TET1: variants seen among roughly 807,000 people sequenced by gnomAD.
The protein encoded by TET1 is methylcytosine dioxygenase TET1.
Under a neutral mutation model 148.7 loss-of-function variants are expected in TET1, and 13 were observed. That is an observed-to-expected ratio of 0.09 (90% CI 0.06 to 0.14). TET1 has a LOEUF of 0.14. Ranked by LOEUF, TET1 falls within the 10% of genes least tolerant of loss-of-function variation. The pLI, the probability that TET1 is intolerant of heterozygous loss-of-function variation, is 1.00. For missense variants in TET1, 2,182 were observed against 2,553.8 expected (o/e 0.85, Z 3.14); for synonymous variants, 907 against 937.2 (o/e 0.97, Z 0.59).
chr10:68,581,828 C>A (rs1264628092), intron 2 of TET1, among the ~76,000 whole-genome samples: 1 of 147,946 alleles, frequency 6.8e-6, no homozygotes, highest in Non-Finnish European at 1.5e-5. Context: ...CAGAGTGAGA[C>A]CGTGTCTCAA....
intron 2 of TET1, among the ~76,000 whole-genome samples, chr10:68,581,064 A>T (rs2053791814): frequency 6.6e-6 from 1 of 152,144 alleles, no homozygotes; most frequent in African/African-American, 2.4e-5. Flanking sequence ...AAAGCCATGT[A>T]CCATTTCTCA....
At chr10:68,580,703 A>C (rs1383949206) in intron 2 of TET1, among the ~76,000 whole-genome samples, 1 of 149,606 alleles carries the variant, frequency 6.7e-6, no homozygotes, top group Non-Finnish European at 1.5e-5. Context: ...AATGGCGTGA[A>C]CCCAGGAGAC....
intron 3 of TET1, among the ~76,000 whole-genome samples, chr10:68,611,861 GGAGAGA>G (rs756555621): frequency 4.8e-4 from 43 of 88,834 alleles, no homozygotes; most frequent in South Asian, 9.8e-4. Flanking sequence ...GGGGAGAGAG[GGAGAGA>G]GAGAGAGAGA....
At chr10:68,609,422 A>G (rs1564966051) in intron 3 of TET1, among the ~76,000 whole-genome samples, 4 of 152,036 alleles carry the variant, frequency 2.6e-5, no homozygotes, top group Admixed American at 2.6e-4. Flanking sequence ...CGGCCTCCCA[A>G]AGTGCTGGGA....
chr10:68,681,342 C>T, intron 8 of TET1, 57 bp from the exon 9 acceptor site: 1 of 1,110,924 alleles, frequency 9.0e-7, no homozygotes, highest in Non-Finnish European at 1.4e-6. Flanking sequence ...TTCAGTTGTA[C>T]CTTAAACACA....
At chr10:68,624,638 TTCTTTCTTTCTTTCTTTCTTTC>T (rs1183152749) in intron 3 of TET1, among the ~76,000 whole-genome samples, 17 of 47,204 alleles carry the variant, frequency 3.6e-4, no homozygotes, top group African/African-American at 1.0e-3. Context: ...CTTTCTTTCT[TTCTTTCTTTCTTTCTTTCTTTC>T]TCTCTCTCTC....
intron 3 of TET1, among the ~76,000 whole-genome samples, chr10:68,641,076 A>G (rs2054745866): frequency 6.6e-6 from 1 of 151,200 alleles, no homozygotes; most frequent in Non-Finnish European, 1.5e-5. Flanking sequence ...TAACTGTGAC[A>G]GGTTGTATGG....
In TET1 at chr10:68,604,618, A is replaced by T. The variant is rs75294507; in HGVS notation, c.1968+3584A>T. On this transcript the variant is annotated intron_variant, in intron 3 of 11. Transcript: ENST00000373644. ...CTGCTGCTTTGATTGGTTGATCCCA[A>T]TGGGGAGCCAGAGTGAAAGGGGAGA... Among the ~76,000 whole-genome samples, 88 of 152,296 alleles carry T rather than the reference A, an allele frequency of 5.8e-4. No individual in the cohort carries two copies. The East Asian group carries it at 0.017, about 29-fold the overall frequency.
At chr10:68,687,195 G>A (rs1316983237) in intron 11 of TET1, among the ~76,000 whole-genome samples, 3 of 130,032 alleles carry the variant, frequency 2.3e-5, no homozygotes, top group Admixed American at 9.4e-5. Flanking sequence ...GAGCCACCGC[G>A]CCCGGCCTAC....
At chr10:68,677,026 AAGTGGACC>A (rs2055371291) in intron 8 of TET1, among the ~76,000 whole-genome samples, 1 of 152,230 alleles carries the variant, frequency 6.6e-6, no homozygotes, top group South Asian at 2.1e-4. Context: ...GTCAAAACCA[AAGTGGACC>A]AGTAAAGAGC....
At chr10:68,639,117 G>A (rs1304123373) in intron 3 of TET1, among the ~76,000 whole-genome samples, 2 of 151,956 alleles carry the variant, frequency 1.3e-5, no homozygotes, top group Non-Finnish European at 2.9e-5. Flanking sequence ...TAATTAATGT[G>A]AATGTCTTAT....
At chr10:68,669,252 C>G (rs200821401) in intron 7 of TET1, among the ~76,000 whole-genome samples, 1 of 149,260 alleles carries the variant, frequency 6.7e-6, no homozygotes, top group Non-Finnish European at 1.5e-5. Flanking sequence ...CCACCCCCCA[C>G]AAAAAAAAAA....
chr10:68,605,698 A>C (rs73276500), intron 3 of TET1, among the ~76,000 whole-genome samples: 46,034 of 152,042 alleles, frequency 0.3, 7,955 homozygotes, highest in Middle Eastern at 0.42. Flanking sequence ...TATTTTTAGT[A>C]GAGACGAGGT....
In TET1 at chr10:68,580,713, C is replaced by T. The variant is rs1354058874; in HGVS notation, c.1914+6461C>T. Reference sequence around the variant, plus strand: ...AGGAGAATGGCGTGAACCCAGGAGACGGAGGTTGGGGTGAGCCAAGATCGC... The same window carrying T: ...AGGAGAATGGCGTGAACCCAGGAGATGGAGGTTGGGGTGAGCCAAGATCGC... On this transcript the variant is annotated intron_variant, in intron 2 of 11. Coordinates refer to ENST00000373644, the MANE Select transcript of TET1 (RefSeq NM_030625.3). Among the ~76,000 whole-genome samples the T allele has an allele frequency of 2.7e-5, 4 of 145,560 alleles. 1 individual carries two copies. Among genetic ancestry groups the T allele is most frequent in the East Asian group, 4.0e-4 (2 of 4,976 alleles).
Position 68,573,562 on chromosome 10 carries a change from C to T in TET1, c.1224C>T (p.Val408=), listed in dbSNP as rs1300198981. 2 of 1,614,060 alleles carry T rather than the reference C, an allele frequency of 1.2e-6. No individual in the cohort carries two copies. Among genetic ancestry groups the T allele is most frequent in the African/African-American group, 2.7e-5 (2 of 74,930 alleles). The stretch of plus-strand genomic sequence containing the variant: ...GTGCTATTCCAGTCCAAGGAGAGGT[C>T]TTTGGTACTATTTTAGACCAACAAG... ...IPGAIPVQGE[V]FGTILDQQET... The change falls in exon 2 of 12, where the codon GTC becomes GTT. Residue 408 remains valine, a synonymous_variant. Coordinates refer to ENST00000373644, the MANE Select transcript of TET1 (RefSeq NM_030625.3).
At position 68,640,787 on chromosome 10, in the gene TET1, G is replaced by C. The variant is rs1017492163; in HGVS notation, c.1969-3911G>C. Among the ~76,000 whole-genome samples the C allele has an allele frequency of 6.6e-5, 10 of 150,952 alleles. 1 individual carries two copies. Among genetic ancestry groups the C allele is most frequent in the African/African-American group, 2.4e-4 (10 of 41,044 alleles). Reference sequence around the variant, plus strand: ...AGGATGGTCTCTATCTCCTGACCTCGTGATCTGCCCGCCTTGGCCTCCCAA... The same window carrying C: ...AGGATGGTCTCTATCTCCTGACCTCCTGATCTGCCCGCCTTGGCCTCCCAA... On this transcript the variant is annotated intron_variant, in intron 3 of 11. Coordinates refer to ENST00000373644, the MANE Select transcript of TET1 (RefSeq NM_030625.3).
intron 2 of TET1, among the ~76,000 whole-genome samples, chr10:68,588,559 C>T (rs1564955579): frequency 2.6e-5 from 4 of 152,024 alleles, no homozygotes; most frequent in Admixed American, 2.6e-4. Context: ...AGTAGTGAGA[C>T]TGAGAGGTGG....
intron 3 of TET1, among the ~76,000 whole-genome samples, chr10:68,640,251 C>T: frequency 6.7e-6 from 1 of 149,058 alleles, no homozygotes; most frequent in East Asian, 2.0e-4. Context: ...TAGCGGAAGA[C>T]TTTCTCTACC....
At chr10:68,566,656 T>G (rs1012221046) in intron 1 of TET1, among the ~76,000 whole-genome samples, 6 of 152,192 alleles carry the variant, frequency 3.9e-5, no homozygotes, top group Non-Finnish European at 8.8e-5. Context: ...AAAGACACAT[T>G]ACATTGACTA....
Sources: gnomAD v4.1 joint callset for allele counts (sites outside exome capture counted in the v4.1 genomes callset) on GRCh38, gnomAD v4.1.1 for gene constraint, MANE v1.5 for transcripts, NCBI Gene and HGNC (gene_info 2026-07-23, HGNC 2026-07-21) for gene names.